Variants in FGF14 observed in about 807,000 individuals in gnomAD.
The protein encoded by FGF14 is fibroblast growth factor homologous factor 4.
Under a neutral mutation model 25.5 loss-of-function variants are expected in FGF14, and 5 were observed. The ratio of observed to expected loss-of-function variants is 0.20; its 90% CI spans 0.10 to 0.41. The LOEUF is 0.41. Ranked by LOEUF, FGF14 falls within the 10% of genes least tolerant of loss-of-function variation. The pLI, the probability that FGF14 is intolerant of heterozygous loss-of-function variation, is 1.00. For missense variants in FGF14, 222 were observed against 320.1 expected, an observed-to-expected ratio of 0.69 and a Z score of 2.34; for synonymous variants, 138 against 118.3, an observed-to-expected ratio of 1.17 and a Z score of -1.08.
intron 3 of FGF14, among the ~76,000 whole-genome samples, chr13:101,774,814 AG>A (rs984597858): frequency 2.0e-5 from 3 of 152,044 alleles, no homozygotes; most frequent in Non-Finnish European, 4.4e-5. Flanking sequence ...GCACTTTGGG[AG>A]GCTGAGGCAG....
chr13:101,726,902 G>A, intron 3 of FGF14, 92 bp from the exon 4 acceptor site: 1 of 974,930 alleles, frequency 1.0e-6, no homozygotes. Flanking sequence ...CCAGCATGGT[G>A]AAAGAGTGCT....
chr13:101,728,116 A>T (rs529581621), intron 3 of FGF14, among the ~76,000 whole-genome samples: 1 of 152,282 alleles, frequency 6.6e-6, no homozygotes, highest in Non-Finnish European at 1.5e-5. Context: ...TTCCCCATAA[A>T]AGTGTGAATT....
At chr13:102,116,076 C>CTCCA (rs1237201482) in intron 1 of FGF14, among the ~76,000 whole-genome samples, 3 of 152,180 alleles carry the variant, frequency 2.0e-5, no homozygotes, top group Admixed American at 2.0e-4. Flanking sequence ...AGCCACTAGA[C>CTCCA]TCCAGCCTGG....
rs1335626047 is a variant in FGF14 at position 101,717,417 on chromosome 13, A to G, written c.*5414T>C. 6.6e-6 allele frequency: 1 copy of G among 152,206 alleles called. No individual in the cohort carries two copies. The highest frequency in any genetic ancestry group is 1.5e-5 in the Non-Finnish European group (1 of 68,040). 9.4% of individuals were successfully genotyped at this position (152,206 alleles called of 1,614,324 possible). A position where few individuals can be genotyped will look rare whatever the true frequency, so the allele number is the denominator to read the frequency against. On this transcript the variant is annotated 3_prime_UTR_variant, in exon 5 of 5. Transcript: ENST00000376143. ...AAAATGAGGGAAATATAAGTAGTCAATAAATAATGTAGGTTATATTCTTTC... is the reference window on the plus strand; with the variant it reads ...AAAATGAGGGAAATATAAGTAGTCAGTAAATAATGTAGGTTATATTCTTTC...
At chr13:101,946,245 A>C (rs185321513) in intron 1 of FGF14, among the ~76,000 whole-genome samples, 107 of 151,554 alleles carry the variant, frequency 7.1e-4, no homozygotes, top group African/African-American at 2.5e-3. Flanking sequence ...TCTTCCAGGC[A>C]GTTTCCACAG....
intron 1 of FGF14, among the ~76,000 whole-genome samples, chr13:102,100,674 T>A (rs981707887): frequency 2.6e-5 from 4 of 152,222 alleles, no homozygotes; most frequent in Non-Finnish European, 5.9e-5. Context: ...GAGAGCAAGC[T>A]CATTTGTGCA....
intron 1 of FGF14, among the ~76,000 whole-genome samples, chr13:101,903,345 G>A (rs747189028): frequency 6.6e-6 from 1 of 151,684 alleles, no homozygotes; most frequent in Non-Finnish European, 1.5e-5. Context: ...TCTTTAAATG[G>A]GTTTTAACTT....
At chr13:102,130,788 G>A (rs2046163851) in intron 1 of FGF14, among the ~76,000 whole-genome samples, 1 of 152,114 alleles carries the variant, frequency 6.6e-6, no homozygotes, top group African/African-American at 2.4e-5. Context: ...ACAGCTGAGG[G>A]CATGGTATAT....
At chr13:101,803,297 T>TA (rs918327738) in intron 3 of FGF14, among the ~76,000 whole-genome samples, 25 of 150,834 alleles carry the variant, frequency 1.7e-4, no homozygotes, top group Admixed American at 5.3e-4. Flanking sequence ...CTCAGCTAAT[T>TA]AAAAAAAAAA....
At chr13:101,949,148 A>AT (rs2139375885) in intron 1 of FGF14, among the ~76,000 whole-genome samples, 2 of 152,300 alleles carry the variant, frequency 1.3e-5, no homozygotes, top group South Asian at 4.1e-4. Flanking sequence ...ATATTTCTAA[A>AT]TATGTGCCTC....
At chr13:102,108,545 C>T (rs2045048197) in intron 1 of FGF14, among the ~76,000 whole-genome samples, 1 of 152,144 alleles carries the variant, frequency 6.6e-6, no homozygotes. Flanking sequence ...GATTCTTAGC[C>T]TCTGAAGACA....
intron 1 of FGF14, among the ~76,000 whole-genome samples, chr13:101,922,503 A>G (rs985507937): frequency 1.3e-5 from 2 of 152,174 alleles, no homozygotes; most frequent in African/African-American, 4.8e-5. Flanking sequence ...ACAGTTTTCT[A>G]TCTTGCCTCC....
intron 3 of FGF14, among the ~76,000 whole-genome samples, chr13:101,861,979 A>G (rs932435843): frequency 2.0e-5 from 3 of 152,070 alleles, no homozygotes; most frequent in Non-Finnish European, 2.9e-5. Flanking sequence ...TGAAATTCAC[A>G]TGAAGCAAAC....
intron 1 of FGF14, among the ~76,000 whole-genome samples, chr13:101,998,160 T>TA (rs564360938): frequency 2.8e-4 from 42 of 152,196 alleles, no homozygotes; most frequent in South Asian, 1.2e-3. Context: ...AAATTCATAT[T>TA]AAAAAAAGCA....
intron 3 of FGF14, among the ~76,000 whole-genome samples, chr13:101,813,791 T>C (rs555916150): frequency 7.0e-4 from 107 of 152,348 alleles, no homozygotes; most frequent in South Asian, 3.1e-3. Context: ...GAAGTTAATG[T>C]AGGTAAACTC....
At chr13:102,117,869 C>T (rs2045545231) in intron 1 of FGF14, among the ~76,000 whole-genome samples, 1 of 152,054 alleles carries the variant, frequency 6.6e-6, no homozygotes, top group African/African-American at 2.4e-5. Flanking sequence ...AAATCAGAAG[C>T]TGACACAAAT....
At position 102,379,349 on chromosome 13, in the gene FGF14, G is replaced by A. The variant is rs142400034; in HGVS notation, c.208+22122C>T. On this transcript the variant is annotated intron_variant, in intron 1 of 4. Coordinates refer to the FGF14 transcript ENST00000376131. The stretch of plus-strand genomic sequence containing the variant: ...ACACTAAAAGTAAAGAAACAGCAAA[G>A]GTACATATGTTTTATTCTCTACATT... 3.1e-3 allele frequency among the ~76,000 whole-genome samples: 476 copies of A among 151,452 alleles called. 5 individuals carry two copies. The highest frequency in any genetic ancestry group is 0.011 in the African/African-American group (463 of 41,296).
chr13:102,068,516 G>T (rs7986953), intron 1 of FGF14, among the ~76,000 whole-genome samples: 55,237 of 152,026 alleles, frequency 0.36, 10,590 homozygotes, highest in East Asian at 0.7. Flanking sequence ...CAGTGCTTGC[G>T]GGCCAGCTGG....
At chr13:102,377,201 T>G (rs1421287861) in intron 1 of FGF14, among the ~76,000 whole-genome samples, 1 of 152,148 alleles carries the variant, frequency 6.6e-6, no homozygotes, top group Non-Finnish European at 1.5e-5. Flanking sequence ...GACAGGCTAT[T>G]TATAGTGTTC....
Sources: allele counts gnomAD v4.1 joint callset (sites outside exome capture counted in the v4.1 genomes callset), GRCh38; gene constraint gnomAD v4.1.1; transcripts MANE v1.5; gene names NCBI Gene and HGNC (gene_info 2026-07-23, HGNC 2026-07-21).